The following TREML1 variants were observed in gnomAD, a reference collection of about 807,000 sequenced individuals.
The protein encoded by TREML1 is trem-like transcript 1 protein.
TREML1 carries 27 observed loss-of-function variants against 22.8 expected under a neutral mutation model. That is an observed-to-expected ratio of 1.19 (90% confidence interval 0.87 to 1.64). The LOEUF (loss-of-function observed/expected upper bound fraction) is 1.64. Among genes scored for constraint, TREML1 ranks in the 40% most tolerant of loss-of-function variants. The pLI is 0.00. For missense variants in TREML1, 356 were observed against 382.0 expected, an observed-to-expected ratio of 0.93 and a Z score of 0.57; for synonymous variants, 153 against 161.9, an observed-to-expected ratio of 0.94 and a Z score of 0.42.
chr6:41,153,709 G>A lies in TREML1; in HGVS notation c.376+49C>T, dbSNP rs758755847. 7.8e-5 allele frequency: 119 copies of A among 1,521,144 alleles called. No homozygotes were observed. The South Asian group carries it at 1.5e-3, about 19-fold the overall frequency. 94.2% of individuals were successfully genotyped at this position (1,521,144 alleles called of 1,614,324 possible). The stretch of plus-strand genomic sequence containing the variant: ...CCCATGAGCCCTGGCAATAGGCGGG[G>A]GTGGGGAGGGTAGGTCTAAGGGGTG... On this transcript the variant is annotated intron_variant, in intron 2 of 5. Coordinates refer to ENST00000426005, the MANE Select transcript of TREML1 (RefSeq NM_178174.4).
In TREML1 at chr6:41,149,460, T is replaced by C; in HGVS notation, c.*144A>G. 2.2e-6 allele frequency: 2 copies of C among 909,420 alleles called. No homozygotes were observed. The highest frequency in any genetic ancestry group is 3.3e-6 in the Non-Finnish European group (2 of 603,282). The allele number at this position is 909,420 out of a possible 1,614,324, so 56.3% of individuals were successfully genotyped here. On this transcript the variant is annotated 3_prime_UTR_variant, in exon 6 of 6. Coordinates refer to ENST00000426005, the MANE Select transcript of TREML1 (RefSeq NM_178174.4). ...TCTCAGTCATGTCTGAGCGTCACTTTCCCTAGTAAAGTTAGGACATTGGAT... is the reference window on the plus strand; with the variant it reads ...TCTCAGTCATGTCTGAGCGTCACTTCCCCTAGTAAAGTTAGGACATTGGAT...
chr6:41,155,250 A>G (rs1430076873), upstream of TREML1, among the ~76,000 whole-genome samples: 1 of 152,166 alleles, frequency 6.6e-6, no homozygotes, highest in Non-Finnish European at 1.5e-5. Flanking sequence ...CCTTCTGTGC[A>G]AAGGGTATTG....
chr6:41,153,754 T>C lies in TREML1; in HGVS notation c.376+4A>G, dbSNP rs1765340310. The C allele has an allele frequency of 6.3e-7, 1 of 1,594,990 alleles. No individual in the cohort carries two copies. Among genetic ancestry groups the C allele is most frequent in the Non-Finnish European group, 8.6e-7 (1 of 1,169,088 alleles). On this transcript the variant is annotated splice_donor_region_variant and intron_variant, in intron 2 of 5. Coordinates refer to ENST00000426005, the MANE Select transcript of TREML1 (RefSeq NM_178174.4). ...GGGGTGGTAGCTGGCCTAGGATAAC[T>C]CACCTGGGGGCAGTATGTTCAGAGA...
Position 41,149,679 on chromosome 6 carries a change from C to T in TREML1, c.861G>A (p.Pro287=), listed in dbSNP as rs749386050. 1.2e-5 allele frequency: 20 copies of T among 1,614,010 alleles called. No homozygotes were observed. The highest frequency in any genetic ancestry group is 6.6e-5 in the South Asian group (6 of 91,094). ...AGGTCCCTCCACCCTTGTTCCCTCC[C>T]GGGAAGATTACTGTGGCATATGTCA... ...KPVTYATVIF[P]GGNKGGGTSC... is the part of the protein sequence containing the mutation. Residue 287 remains proline (P), a synonymous_variant, in exon 6 of 6, where the codon CCG becomes CCA. Coordinates refer to ENST00000426005, the MANE Select transcript of TREML1 (RefSeq NM_178174.4).
At chr6:41,154,827 G>A (rs1413339629), upstream of TREML1, among the ~76,000 whole-genome samples, 3 of 152,130 alleles carry the variant, frequency 2.0e-5, no homozygotes, top group African/African-American at 7.2e-5. Flanking sequence ...TATTGTCCTG[G>A]ACACTATAGA....
rs757591122 is a variant in TREML1 at position 41,149,665 on chromosome 6, C to G, written c.875G>C (p.Gly292Ala). The G allele has an allele frequency of 1.9e-6, 3 of 1,614,174 alleles. No individual in the cohort carries two copies. The South Asian group carries it at 3.3e-5, about 18-fold the overall frequency. ...ATVIFPGGNK[G>A]GGTSCGPAQN... The stretch of plus-strand genomic sequence containing the variant: ...GGCTGGCCCACACGAGGTCCCTCCA[C>G]CCTTGTTCCCTCCCGGGAAGATTAC... Residue 292 changes from glycine (G) to alanine (A), a missense_variant, in exon 6 of 6, where the codon GGT becomes GCT. Coordinates refer to ENST00000426005, the MANE Select transcript of TREML1 (RefSeq NM_178174.4).
intron 5 of TREML1, 95 bp downstream of exon 5, chr6:41,150,166 G>A: frequency 7.1e-7 from 1 of 1,412,286 alleles, no homozygotes; most frequent in Admixed American, 1.9e-5. Context: ...CTAGGTCCCA[G>A]TCCTTTCTCC....
chr6:41,150,356 G>A (rs1167773915), intron 4 of TREML1, 43 bp from the exon 5 acceptor site: 1 of 1,600,412 alleles, frequency 6.2e-7, no homozygotes, highest in African/African-American at 1.3e-5. Context: ...TTCCGGGGCT[G>A]GCTCAGAGCC....
In TREML1 at chr6:41,153,903, C is replaced by A. The variant is rs201231028; in HGVS notation, c.231G>T (p.Thr77=). 5.0e-6 allele frequency: 8 copies of A among 1,614,082 alleles called. No homozygotes were observed. The highest frequency in any genetic ancestry group is 1.3e-5 in the African/African-American group (1 of 74,934). Residue 77 remains threonine (T), a synonymous_variant, in exon 2 of 6, where the codon ACG becomes ACT. Transcript: ENST00000426005. ...GGCCCCCACCCAGGTCTGTGAGAAA[C>A]GTACGCCTGCCCGCTGGAGCTCTGC... ...VDRRAPAGRR[T]FLTDLGGGLL... is the part of the protein sequence containing the mutation.
chr6:41,149,640 G>T lies in TREML1; in HGVS notation c.900C>A (p.Ala300=). The change falls in exon 6 of 6, where the codon GCC becomes GCA. Residue 300 remains alanine, a synonymous_variant. Coordinates refer to ENST00000426005, the MANE Select transcript of TREML1 (RefSeq NM_178174.4). ...NKGGGTSCGP[A]QNPPNNQTPS... Reference sequence around the variant, plus strand: ...GAGTCTGATTGTTAGGTGGATTCTGGGCTGGCCCACACGAGGTCCCTCCAC... The same window carrying T: ...GAGTCTGATTGTTAGGTGGATTCTGTGCTGGCCCACACGAGGTCCCTCCAC... The T allele has an allele frequency of 6.2e-7, 1 of 1,613,862 alleles. No homozygotes were observed. The highest frequency in any genetic ancestry group is 8.5e-7 in the Non-Finnish European group (1 of 1,179,862).
At position 41,154,246 on chromosome 6, in the gene TREML1, C is replaced by T. The variant is rs1185844672; in HGVS notation, c.43G>A (p.Gly15Ser). The change falls in exon 1 of 6, where the codon GGT (glycine) becomes AGT (serine). Residue 15 changes from glycine to serine, a missense_variant and splice_region_variant. Physicochemically the swap from Gly to Ser is moderately conservative, Grantham distance 56 (BLOSUM62 0). Coordinates refer to ENST00000426005, the MANE Select transcript of TREML1 (RefSeq NM_178174.4). ...LLLLLLLGLE[G>S]QGIVGSLPEV... ...AGCTGCAGCTCCTCCTGAACCTTAC[C>T]TTCTAGTCCCAGGAGCAGCAGCAAG... 18 of 1,613,978 alleles carry T rather than the reference C, an allele frequency of 1.1e-5. No individual in the cohort carries two copies. The highest frequency in any genetic ancestry group is 1.5e-5 in the Non-Finnish European group (18 of 1,179,944).
In TREML1 at chr6:41,153,750, T is replaced by A; in HGVS notation, c.376+8A>T. ...CTAAGGGGTGGTAGCTGGCCTAGGA[T>A]AACTCACCTGGGGGCAGTATGTTCA... is the stretch of plus-strand genomic sequence containing the variant. On this transcript the variant is annotated splice_region_variant and intron_variant, in intron 2 of 5. Transcript: ENST00000426005. The A allele has an allele frequency of 6.3e-7, 1 of 1,593,092 alleles. No homozygotes were observed. Among genetic ancestry groups the A allele is most frequent in the Non-Finnish European group, 8.6e-7 (1 of 1,168,058 alleles).
rs1014756641 is a variant in TREML1, at chr6:41,152,333, T to A, written c.377-949A>T. Reference sequence around the variant, plus strand: ...ATCATCCTCCACAGCACCTGCCCCATGGCAGCAGGTCAGGGGCCCAGGTCC... The same window carrying A: ...ATCATCCTCCACAGCACCTGCCCCAAGGCAGCAGGTCAGGGGCCCAGGTCC... On this transcript the variant is annotated intron_variant, in intron 2 of 5. Transcript: ENST00000426005. 5.9e-5 allele frequency among the ~76,000 whole-genome samples: 9 copies of A among 152,262 alleles called. No homozygotes were observed. In the East Asian group the frequency reaches 1.7e-3, roughly 29 times the overall value.
In TREML1 at chr6:41,149,721, C is replaced by A; in HGVS notation, c.819G>T (p.Leu273=). ...CATATGTCACAGGCTTGGAGCAGACCAGGACCTTAGGAGGTAGAGGGGGCA... is the reference window on the plus strand; with the variant it reads ...CATATGTCACAGGCTTGGAGCAGACAAGGACCTTAGGAGGTAGAGGGGGCA... ...SSLPPLPPKV[L]VCSKPVTYAT... Residue 273 remains leucine (L), a synonymous_variant, in exon 6 of 6, where the codon CTG becomes CTT. Coordinates refer to ENST00000426005, the MANE Select transcript of TREML1 (RefSeq NM_178174.4). 3.1e-6 allele frequency: 5 copies of A among 1,614,100 alleles called. No individual in the cohort carries two copies. Among genetic ancestry groups the A allele is most frequent in the Non-Finnish European group, 4.2e-6 (5 of 1,179,998 alleles).
chr6:41,149,810 T>A lies in TREML1; in HGVS notation c.730A>T (p.Thr244Ser), dbSNP rs770694886. ...LDSPPSFDNT[T>S]YTSLPLDSPS... ...GAATCAAGAGGTAGGCTGGTGTAGG[T>A]GGTATTGTCAAATGAAGGTGGTGAG... The change falls in exon 6 of 6, where the codon ACC becomes TCC. Residue 244 changes from threonine to serine, a missense_variant. Transcript: ENST00000426005. The A allele has an allele frequency of 3.7e-6, 6 of 1,613,582 alleles. No homozygotes were observed. The highest frequency in any genetic ancestry group is 5.1e-6 in the Non-Finnish European group (6 of 1,179,924).
chr6:41,150,992 G>A, intron 3 of TREML1, 85 bp from the exon 4 acceptor site: 2 of 1,180,222 alleles, frequency 1.7e-6, no homozygotes, highest in Non-Finnish European at 2.5e-6. Context: ...GTGACAGAAG[G>A]GTTACATTCT....
chr6:41,150,173 C>A, intron 5 of TREML1, 88 bp downstream of exon 5: 1 of 1,457,878 alleles, frequency 6.9e-7, no homozygotes, highest in South Asian at 1.2e-5. Flanking sequence ...CCAGTCCTTT[C>A]TCCACCCCAT....
In TREML1 at chr6:41,149,658, C is replaced by G. The variant is rs752359345; in HGVS notation, c.882G>C (p.Gly294=). The G allele has an allele frequency of 6.2e-7, 1 of 1,614,082 alleles. No homozygotes were observed. Among genetic ancestry groups the G allele is most frequent in the Non-Finnish European group, 8.5e-7 (1 of 1,180,008 alleles). ...VIFPGGNKGG[G]TSCGPAQNPP... is the part of the protein sequence containing the mutation. ...GATTCTGGGCTGGCCCACACGAGGTCCCTCCACCCTTGTTCCCTCCCGGGA... is the reference window on the plus strand; with the variant it reads ...GATTCTGGGCTGGCCCACACGAGGTGCCTCCACCCTTGTTCCCTCCCGGGA... Residue 294 remains glycine (G), a synonymous_variant, in exon 6 of 6, where the codon GGG becomes GGC. Coordinates refer to ENST00000426005, the MANE Select transcript of TREML1 (RefSeq NM_178174.4).
upstream of TREML1, among the ~76,000 whole-genome samples, chr6:41,154,964 G>A (rs144370378): frequency 2.4e-4 from 37 of 152,094 alleles, no homozygotes; most frequent in Admixed American, 1.0e-3. Context: ...ATTGAATGTC[G>A]TGTGTTCATC....
Sources: gnomAD v4.1 joint callset for allele counts (sites outside exome capture counted in the v4.1 genomes callset) on GRCh38, gnomAD v4.1.1 for gene constraint, MANE v1.5 for transcripts, NCBI Gene and HGNC (gene_info 2026-07-23, HGNC 2026-07-21) for gene names.